The following SUGCT variants were observed in gnomAD, a reference collection of about 807,000 sequenced individuals.
SUGCT encodes the protein succinyl-CoA:glutarate-CoA transferase.
In SUGCT, 41 loss-of-function variants were observed where a neutral mutation model predicts 55.0. That is an observed-to-expected ratio of 0.74 (90% CI 0.58 to 0.97). The LOEUF is 0.97. SUGCT is among the 50% of genes least tolerant of loss of function. SUGCT has a pLI of 0.00. For synonymous variants in SUGCT, 187 were observed against 200.4 expected (o/e 0.93, Z 0.56); for missense variants, 568 against 547.8 (o/e 1.04, Z -0.37).
chr7:40,797,480 G>A (rs546771621), intron 13 of SUGCT, among the ~76,000 whole-genome samples: 9 of 152,250 alleles, frequency 5.9e-5, no homozygotes, highest in African/African-American at 1.9e-4. Flanking sequence ...AGTTGGAAAT[G>A]ACAGTCATCC....
intron 12 of SUGCT, among the ~76,000 whole-genome samples, chr7:40,695,684 T>C (rs1283284614): frequency 1.3e-5 from 2 of 152,208 alleles, no homozygotes; most frequent in Admixed American, 1.3e-4. Context: ...TTATTAGTAT[T>C]CCATTAAGAC....
intron 8 of SUGCT, 98 bp from the exon 9 acceptor site, chr7:40,316,662 T>G (rs1316050359): frequency 4.1e-6 from 3 of 726,276 alleles, no homozygotes; most frequent in East Asian, 5.7e-5. Context: ...TCTTCTACAA[T>G]GAGATGAAGT....
At chr7:40,431,437 A>G (rs1337270409) in intron 9 of SUGCT, among the ~76,000 whole-genome samples, 1 of 152,098 alleles carries the variant, frequency 6.6e-6, no homozygotes, top group Non-Finnish European at 1.5e-5. Flanking sequence ...TTATGGTTCC[A>G]TATGAATTTT....
chr7:40,361,587 AG>A (rs201732163), intron 9 of SUGCT, among the ~76,000 whole-genome samples: 217 of 151,304 alleles, frequency 1.4e-3, no homozygotes, highest in African/African-American at 3.8e-3. Flanking sequence ...AAGAAAAAAA[AG>A]AAAGAAAATT....
chr7:40,784,370 T>C (rs1044982304), intron 13 of SUGCT, among the ~76,000 whole-genome samples: 1 of 152,198 alleles, frequency 6.6e-6, no homozygotes, highest in Non-Finnish European at 1.5e-5. Flanking sequence ...TCATTTTCAG[T>C]GTTTCAAGTG....
intron 12 of SUGCT, among the ~76,000 whole-genome samples, chr7:40,678,303 T>G (rs1297895909): frequency 6.6e-6 from 1 of 152,192 alleles, no homozygotes; most frequent in Non-Finnish European, 1.5e-5. Context: ...CACTCGGCAT[T>G]GGTTTTTTGC....
At chr7:40,303,455 A>G (rs1373383372) in intron 8 of SUGCT, among the ~76,000 whole-genome samples, 3 of 150,826 alleles carry the variant, frequency 2.0e-5, no homozygotes, top group Admixed American at 2.0e-4. Context: ...TTGTGATTCC[A>G]TCCTTTAAAT....
chr7:40,394,071 T>C (rs1785586184), intron 9 of SUGCT, among the ~76,000 whole-genome samples: 1 of 152,156 alleles, frequency 6.6e-6, no homozygotes. Context: ...TTCTTTGACT[T>C]TGGTGACTTT....
At chr7:40,384,032 C>G (rs1784997339) in intron 9 of SUGCT, among the ~76,000 whole-genome samples, 1 of 152,152 alleles carries the variant, frequency 6.6e-6, no homozygotes, top group East Asian at 1.9e-4. Flanking sequence ...TTAATTCCTT[C>G]TCAACCCCTC....
intron 12 of SUGCT, among the ~76,000 whole-genome samples, chr7:40,684,352 T>C (rs1409788143): frequency 6.6e-6 from 1 of 152,244 alleles, no homozygotes; most frequent in Non-Finnish European, 1.5e-5. Flanking sequence ...CAAAGAGGCA[T>C]TCCATTTTAC....
At chr7:40,141,460 C>T (rs1411863785) in intron 1 of SUGCT, among the ~76,000 whole-genome samples, 2 of 151,804 alleles carry the variant, frequency 1.3e-5, no homozygotes, top group Admixed American at 1.3e-4. Context: ...TAGTGAAACC[C>T]CGTCTCTAGT....
the SUGCT span, among the ~76,000 whole-genome samples, chr7:40,896,629 G>A: frequency 6.6e-6 from 1 of 152,164 alleles, no homozygotes; most frequent in East Asian, 1.9e-4. Flanking sequence ...ATGTGAAGAA[G>A]GTTGTATTTG....
At chr7:40,301,832 T>C (rs1414850486) in intron 8 of SUGCT, among the ~76,000 whole-genome samples, 2 of 152,242 alleles carry the variant, frequency 1.3e-5, no homozygotes, top group African/African-American at 4.8e-5. Context: ...ATGCTGGGAC[T>C]TGGTTCATGA....
chr7:40,942,829 T>A, the SUGCT span, among the ~76,000 whole-genome samples: 1 of 152,136 alleles, frequency 6.6e-6, no homozygotes, highest in Non-Finnish European at 1.5e-5. Context: ...AAATTCTTTC[T>A]TTTACTTGAT....
the SUGCT span, among the ~76,000 whole-genome samples, chr7:40,901,808 C>T: frequency 6.6e-6 from 1 of 152,140 alleles, no homozygotes; most frequent in Admixed American, 6.5e-5. Flanking sequence ...TGCAGAAATG[C>T]TAAACATGAA....
the SUGCT span, among the ~76,000 whole-genome samples, chr7:41,036,426 G>C: frequency 6.6e-6 from 1 of 152,146 alleles, no homozygotes; most frequent in Admixed American, 6.5e-5. Flanking sequence ...CCAACTGGTT[G>C]GTGAGTTTAA....
chr7:40,870,829 G>A, the SUGCT span, among the ~76,000 whole-genome samples: 10 of 152,004 alleles, frequency 6.6e-5, no homozygotes, highest in Admixed American at 4.6e-4. Context: ...GTTGATATTT[G>A]TTTTATTTTG....
At chr7:41,007,019 AAAG>A in the SUGCT span, among the ~76,000 whole-genome samples, 271 of 152,306 alleles carry the variant, frequency 1.8e-3, 3 homozygotes, top group Middle Eastern at 6.8e-3. Context: ...ACATAAATTT[AAAG>A]AAGAAGGGCC....
At chr7:40,285,238 C>G (rs908946752) in intron 8 of SUGCT, among the ~76,000 whole-genome samples, 3 of 151,978 alleles carry the variant, frequency 2.0e-5, no homozygotes, top group African/African-American at 7.2e-5. Context: ...ATGGAAAGAT[C>G]TATTGATGTT....
Sources: allele counts gnomAD v4.1 joint callset (sites outside exome capture counted in the v4.1 genomes callset), GRCh38; gene constraint gnomAD v4.1.1; transcripts MANE v1.5; gene names NCBI Gene and HGNC (gene_info 2026-07-23, HGNC 2026-07-21).